Variants in SBF2 observed in about 807,000 individuals in gnomAD.
SBF2 encodes the protein SET binding factor 2, also known as myotubularin-related protein 13.
A neutral mutation model predicts 225.2 loss-of-function variants in SBF2; 112 were observed. The observed-to-expected ratio is 0.50, with a 90% CI of 0.43 to 0.58. The LOEUF is 0.58. SBF2 is among the 20% of genes least tolerant of loss of function. The pLI, the probability that SBF2 is intolerant of heterozygous loss-of-function variation, is 0.00. For synonymous variants in SBF2, 763 were observed against 773.3 expected (o/e 0.99, Z 0.22); for missense variants, 1,996 against 2,206.2 (o/e 0.90, Z 1.91).
chr11:9,977,032 A>G (rs1489020873), intron 13 of SBF2, among the ~76,000 whole-genome samples: 1 of 152,136 alleles, frequency 6.6e-6, no homozygotes, highest in Non-Finnish European at 1.5e-5. Flanking sequence ...TGCTGGGATT[A>G]CAAGCGTGAG....
chr11:10,154,964 C>T (rs1220194456), intron 2 of SBF2, among the ~76,000 whole-genome samples: 1 of 152,066 alleles, frequency 6.6e-6, no homozygotes, highest in Non-Finnish European at 1.5e-5. Flanking sequence ...ATGAAAGTTA[C>T]CCAGTTTCTG....
chr11:9,836,239 A>C (rs1389603246), intron 26 of SBF2, among the ~76,000 whole-genome samples: 1 of 152,084 alleles, frequency 6.6e-6, no homozygotes, highest in Non-Finnish European at 1.5e-5. Context: ...TTATTGTTTT[A>C]AGCTTATTTG....
chr11:9,901,378 G>T (rs1861706832), intron 16 of SBF2, among the ~76,000 whole-genome samples: 1 of 152,134 alleles, frequency 6.6e-6, no homozygotes, highest in South Asian at 2.1e-4. Flanking sequence ...AACCAAAAAT[G>T]AAATCCTGAG....
At chr11:10,060,448 G>A (rs1459447397) in intron 2 of SBF2, among the ~76,000 whole-genome samples, 2 of 152,076 alleles carry the variant, frequency 1.3e-5, no homozygotes, top group Non-Finnish European at 2.9e-5. Flanking sequence ...ATTCTACCAG[G>A]TGTACAAAGA....
intron 2 of SBF2, among the ~76,000 whole-genome samples, chr11:10,061,557 G>A (rs921253214): frequency 3.3e-5 from 5 of 151,872 alleles, no homozygotes; most frequent in African/African-American, 7.3e-5. Context: ...CAACGAAACC[G>A]AGAGCCAAAT....
At chr11:9,871,272 T>C (rs1373606804) in intron 17 of SBF2, among the ~76,000 whole-genome samples, 1 of 150,854 alleles carries the variant, frequency 6.6e-6, no homozygotes, top group Non-Finnish European at 1.5e-5. Flanking sequence ...ATATCCAGAG[T>C]CTACAAGGAA....
At chr11:10,291,949 C>G (rs1168993137) in intron 1 of SBF2, among the ~76,000 whole-genome samples, 1 of 152,180 alleles carries the variant, frequency 6.6e-6, no homozygotes, top group Non-Finnish European at 1.5e-5. Context: ...TCGTATGTAT[C>G]TAATCATGAA....
chr11:9,901,437 C>T (rs1048939733), intron 16 of SBF2, among the ~76,000 whole-genome samples: 1 of 152,134 alleles, frequency 6.6e-6, no homozygotes, highest in African/African-American at 2.4e-5. Context: ...CCCAGCGAAA[C>T]CTGAAAAACT....
chr11:10,153,189 A>G (rs1307515921), intron 2 of SBF2, among the ~76,000 whole-genome samples: 2 of 152,222 alleles, frequency 1.3e-5, no homozygotes, highest in East Asian at 1.9e-4. Context: ...AAGCAATGAT[A>G]AACTAGAGGA....
At chr11:9,861,754 C>G (rs554454737) in intron 17 of SBF2, among the ~76,000 whole-genome samples, 19 of 152,224 alleles carry the variant, frequency 1.2e-4, no homozygotes, top group African/African-American at 4.3e-4. Flanking sequence ...GCAATCCCCC[C>G]ACCTCGGCCT....
At chr11:9,943,852 C>T (rs1036787073) in intron 16 of SBF2, among the ~76,000 whole-genome samples, 1 of 152,176 alleles carries the variant, frequency 6.6e-6, no homozygotes, top group Non-Finnish European at 1.5e-5. Context: ...GTTGCACATA[C>T]TCTTGACTCT....
At chr11:10,075,450 C>A (rs975927766) in intron 2 of SBF2, among the ~76,000 whole-genome samples, 29 of 152,258 alleles carry the variant, frequency 1.9e-4, no homozygotes, top group Admixed American at 1.7e-3. Flanking sequence ...TTCTGTGTCC[C>A]CACCCAAATC....
At chr11:9,968,922 C>T (rs994858977) in intron 13 of SBF2, among the ~76,000 whole-genome samples, 17 of 152,122 alleles carry the variant, frequency 1.1e-4, no homozygotes, top group African/African-American at 3.6e-4. Context: ...ATCTTTAAAC[C>T]ATAAAAATAC....
chr11:9,877,987 G>C (rs561825792), intron 17 of SBF2, among the ~76,000 whole-genome samples: 168 of 152,218 alleles, frequency 1.1e-3, no homozygotes, highest in Non-Finnish European at 1.7e-3. Context: ...CTTCCACAAT[G>C]GTTGAACTCA....
chr11:9,794,676 C>CAAGAAA (rs1852987399), intron 33 of SBF2, among the ~76,000 whole-genome samples: 1 of 35,348 alleles, frequency 2.8e-5, no homozygotes, highest in Non-Finnish European at 4.8e-5. Flanking sequence ...GACTCCGTCT[C>CAAGAAA]AAAAAAAAAA....
At chr11:10,189,910 G>C (rs1957095016) in intron 2 of SBF2, among the ~76,000 whole-genome samples, 1 of 152,138 alleles carries the variant, frequency 6.6e-6, no homozygotes, top group African/African-American at 2.4e-5. Flanking sequence ...GCAGCACTTT[G>C]GGAGGCCAAG....
intron 2 of SBF2, among the ~76,000 whole-genome samples, chr11:10,120,198 T>C (rs1305925230): frequency 6.6e-6 from 1 of 152,364 alleles, no homozygotes; most frequent in East Asian, 1.9e-4. Context: ...TGTCTTCTCA[T>C]GACTGGCTTG....
chr11:9,883,107 C>G (rs945371889), intron 17 of SBF2, among the ~76,000 whole-genome samples: 1 of 152,070 alleles, frequency 6.6e-6, no homozygotes, highest in African/African-American at 2.4e-5. Context: ...GCACTCCAGT[C>G]TGGGCGACAG....
chr11:9,959,264 C>A, intron 16 of SBF2: 1 of 775,380 alleles, frequency 1.3e-6, no homozygotes, highest in Non-Finnish European at 2.4e-6. Flanking sequence ...TACAAGCAGG[C>A]CCGGTAATGA....
Sources: gnomAD v4.1 joint callset for allele counts (sites outside exome capture counted in the v4.1 genomes callset) on GRCh38, gnomAD v4.1.1 for gene constraint, MANE v1.5 for transcripts, NCBI Gene and HGNC (gene_info 2026-07-23, HGNC 2026-07-21) for gene names.